The following ZNF397 variants were observed in gnomAD, a reference collection of about 807,000 sequenced individuals.
ZNF397 encodes the protein zinc finger protein 397, also known as zinc finger and SCAN domain-containing protein 15.
ZNF397 carries 38 observed loss-of-function variants against 50.6 expected under a neutral mutation model. That is an observed-to-expected ratio of 0.75 (90% confidence interval 0.58 to 0.98). The LOEUF (loss-of-function observed/expected upper bound fraction) is 0.98, where lower values mean the gene tolerates loss of function less well. Ranked by LOEUF, ZNF397 falls within the 50% of genes least tolerant of loss-of-function variation. The pLI is 0.00. For synonymous variants in ZNF397, 228 were observed against 215.2 expected, an observed-to-expected ratio of 1.06 and a Z score of -0.52; for missense variants, 624 against 624.1, an observed-to-expected ratio of 1.00 and a Z score of 0.00.
intron 5 of ZNF397, among the ~76,000 whole-genome samples, chr18:35,256,622 A>T (rs903005576): frequency 3.3e-5 from 5 of 152,300 alleles, no homozygotes; most frequent in African/African-American, 1.2e-4. Flanking sequence ...AGAGAACCCA[A>T]TTACTATCTC....
In ZNF397 at chr18:35,242,780, G is replaced by C; in HGVS notation, c.310G>C (p.Glu104Gln). 1 of 1,614,180 alleles carries C rather than the reference G, an allele frequency of 6.2e-7. No individual in the cohort carries two copies. Among genetic ancestry groups the C allele is most frequent in the African/African-American group, 1.3e-5 (1 of 75,060 alleles). The change falls in exon 2 of 4, where the codon GAG becomes CAG. Residue 104 changes from glutamate to glutamine, a missense_variant. Physicochemically the swap from Glu to Gln is conservative, Grantham distance 29 (BLOSUM62 2). Coordinates refer to ENST00000330501, the MANE Select transcript of ZNF397 (RefSeq NM_001135178.3). ...VLEQFLSILP[E>Q]ELQIWVQQHN... ...GGAGCAGTTCCTGAGCATTCTGCCTGAGGAGCTGCAGATCTGGGTTCAGCA... is the reference window on the plus strand; with the variant it reads ...GGAGCAGTTCCTGAGCATTCTGCCTCAGGAGCTGCAGATCTGGGTTCAGCA...
chr18:35,242,703 G>A lies in ZNF397; in HGVS notation c.233G>A (p.Trp78Ter). 6.2e-7 allele frequency: 1 copy of A among 1,614,222 alleles called. No individual in the cohort carries two copies. Among genetic ancestry groups the A allele is most frequent in the Non-Finnish European group, 8.5e-7 (1 of 1,180,040 alleles). Residue 78 changes from tryptophan to a stop codon, truncating the protein, a stop_gained, in exon 2 of 4, where the codon TGG becomes TAG. Coordinates refer to ENST00000330501, the MANE Select transcript of ZNF397 (RefSeq NM_001135178.3). LOFTEE classifies it high-confidence loss of function. ...LSRLQELCYQ[W>*]LMPELHTKEQ... is the part of the protein sequence containing the mutation. ...CGACTCCAGGAACTTTGCTATCAGT[G>A]GCTAATGCCAGAGTTGCACACAAAG...
downstream of ZNF397, chr18:35,252,659 C>T (rs929770170): frequency 6.6e-6 from 1 of 152,130 alleles, no homozygotes; most frequent in Non-Finnish European, 1.5e-5. Flanking sequence ...TTTAGTGACT[C>T]ATAGACCAGA....
At chr18:35,258,550 A>G (rs1366669158), downstream of ZNF397, 1 of 153,542 alleles carries the variant, frequency 6.5e-6, no homozygotes, top group South Asian at 2.0e-4. Context: ...CACAGATGGG[A>G]TCAGAGGGAG....
At chr18:35,252,619 T>C (rs4799791), downstream of ZNF397, 124,523 of 152,130 alleles carry the variant, frequency 0.82, 51,907 homozygotes, top group Non-Finnish European at 0.9. Context: ...CCCACCTTTA[T>C]GTCTGAGATA....
chr18:35,245,837 TTCAG>T lies in ZNF397; in HGVS notation c.1136_1139del (p.Ser379LysfsTer61), dbSNP rs1258873594. The T allele has an allele frequency of 7.1e-6, 11 of 1,552,564 alleles. No homozygotes were observed. The highest frequency in any genetic ancestry group is 2.4e-5 in the East Asian group (1 of 40,924). On this transcript the variant is annotated frameshift_variant, in exon 4 of 4. Transcript: ENST00000330501. LOFTEE classifies it high-confidence loss of function. Reference sequence around the variant, plus strand: ...TAAATGTAATGAGTGTGGCAAAGCATTCAGTCAAAGTTCATATCTCATTATACAT... The same window carrying T: ...TAAATGTAATGAGTGTGGCAAAGCATTCAAAGTTCATATCTCATTATACAT...
Position 35,246,109 on chromosome 18 carries a change from T to G in ZNF397, c.1404T>G (p.Leu468=), listed in dbSNP as rs1181128180. 1.9e-6 allele frequency: 3 copies of G among 1,552,928 alleles called. No individual in the cohort carries two copies. Among genetic ancestry groups the G allele is most frequent in the Non-Finnish European group, 2.6e-6 (3 of 1,147,758 alleles). The change falls in exon 4 of 4, where the codon CTT becomes CTG. Residue 468 remains leucine, a synonymous_variant. Transcript: ENST00000330501. ...CGKAFSLSSN[L]IRHQRIHSGE... Reference sequence around the variant, plus strand: ...AAGCTTTCAGTTTGAGCTCAAACCTTATCAGACATCAGAGAATTCATAGTG... The same window carrying G: ...AAGCTTTCAGTTTGAGCTCAAACCTGATCAGACATCAGAGAATTCATAGTG...
downstream of ZNF397, chr18:35,253,650 T>A (rs1311971726): frequency 1.2e-6 from 2 of 1,614,056 alleles, no homozygotes; most frequent in African/African-American, 2.7e-5. Flanking sequence ...TGATGTTCAA[T>A]AAGGATAGAA....
In ZNF397 at chr18:35,245,487, A is replaced by C; in HGVS notation, c.782A>C (p.Glu261Ala). 6 of 1,552,604 alleles carry C rather than the reference A, an allele frequency of 3.9e-6. No homozygotes were observed. The highest frequency in any genetic ancestry group is 5.2e-6 in the Non-Finnish European group (6 of 1,147,284). The change falls in exon 4 of 4, where the codon GAG becomes GCG. Residue 261 changes from glutamate (E) to alanine (A), a missense_variant. Physicochemically the swap from Glu to Ala is moderately radical, Grantham distance 107. Transcript: ENST00000330501. The part of the protein sequence containing the change: ...KSLGKRDLYD[E>A]AERCLILTTD... ...CTAGGAAAGAGAGACCTTTATGATG[A>C]GGCTGAAAGATGCTTGATTCTAACT...
In ZNF397 at chr18:35,242,841, T is replaced by G; in HGVS notation, c.371T>G (p.Leu124Arg). ...NPESGEEAVTLLEDLEREFDD... is the reference protein window; with the variant it reads ...NPESGEEAVTRLEDLEREFDD... Reference sequence around the variant, plus strand: ...GAAAGCGGCGAGGAAGCTGTGACCCTGTTGGAGGATTTAGAGAGGGAGTTT... The same window carrying G: ...GAAAGCGGCGAGGAAGCTGTGACCCGGTTGGAGGATTTAGAGAGGGAGTTT... The change falls in exon 2 of 4, where the codon CTG becomes CGG. Residue 124 changes from leucine to arginine, a missense_variant. Leu to Arg is a moderately radical substitution (Grantham distance 102). Transcript: ENST00000330501. The G allele has an allele frequency of 6.2e-7, 1 of 1,613,588 alleles. No individual in the cohort carries two copies. Among genetic ancestry groups the G allele is most frequent in the Non-Finnish European group, 8.5e-7 (1 of 1,179,696 alleles).
At chr18:35,244,854 A>G (rs1569043412) in intron 3 of ZNF397, among the ~76,000 whole-genome samples, 2 of 152,224 alleles carry the variant, frequency 1.3e-5, no homozygotes, top group African/African-American at 2.4e-5. Flanking sequence ...AACTCTTTCA[A>G]GAAATCACTA....
downstream of ZNF397, chr18:35,253,660 ACTC>A (rs778191047): frequency 6.2e-7 from 1 of 1,613,544 alleles, no homozygotes; most frequent in African/African-American, 1.3e-5. Context: ...TAAGGATAGA[ACTC>A]CTACCAAAAG....
At chr18:35,244,490 C>T (rs1912775792) in intron 3 of ZNF397, among the ~76,000 whole-genome samples, 1 of 151,904 alleles carries the variant, frequency 6.6e-6, no homozygotes, top group South Asian at 2.1e-4. Flanking sequence ...GTAATGGAAG[C>T]CAAGGGTAGA....
At position 35,256,970 on chromosome 18, in the gene ZNF397, C is replaced by G. The variant is rs1329840276; in HGVS notation, c.818-958C>G. 1.0e-4 allele frequency: 16 copies of G among 153,840 alleles called. No individual in the cohort carries two copies. In the Admixed American group the frequency reaches 1.0e-3, roughly 10 times the overall value. 9.5% of individuals were successfully genotyped at this position (153,840 alleles called of 1,614,324 possible). A position where few individuals can be genotyped will look rare whatever the true frequency, so the allele number is the denominator to read the frequency against. ...AAAATTTTTTTTGTAGACACGGGGT[C>G]TTGCCATGTTGCCCAGACTGGTCTT... is the stretch of plus-strand genomic sequence containing the variant. On this transcript the variant is annotated intron_variant, in intron 5 of 5. Coordinates refer to the ZNF397 transcript ENST00000261333.
chr18:35,253,203 C>G (rs899488569), downstream of ZNF397: 3 of 361,926 alleles, frequency 8.3e-6, no homozygotes, highest in Non-Finnish European at 1.5e-5. Context: ...GAGTCTCATC[C>G]AGAAATGGGT....
chr18:35,254,218 C>T, downstream of ZNF397: 3 of 1,614,156 alleles, frequency 1.9e-6, no homozygotes, highest in Non-Finnish European at 2.5e-6. Flanking sequence ...CAGCATTTCC[C>T]TTTTGCTTCT....
At chr18:35,253,369 G>C (rs2043663026), downstream of ZNF397, 6 of 1,241,616 alleles carry the variant, frequency 4.8e-6, no homozygotes, top group African/African-American at 1.5e-5. Flanking sequence ...TCTGCTCTCA[G>C]GAAACTTTTC....
chr18:35,255,544 T>G (rs1443412946), intron 5 of ZNF397, among the ~76,000 whole-genome samples: 2 of 152,112 alleles, frequency 1.3e-5, no homozygotes, highest in African/African-American at 4.8e-5. Flanking sequence ...CCTTCCATAT[T>G]GGAAGGATGC....
intron 3 of ZNF397, 76 bp from the exon 4 acceptor site, chr18:35,245,186 G>A (rs1166959837): frequency 8.9e-6 from 13 of 1,458,584 alleles, no homozygotes; most frequent in Non-Finnish European, 1.1e-5. Context: ...AGAAGCTTCT[G>A]TTTTCTCTCA....
Sources: gnomAD v4.1 joint callset for allele counts (sites outside exome capture counted in the v4.1 genomes callset) on GRCh38, gnomAD v4.1.1 for gene constraint, MANE v1.5 for transcripts, NCBI Gene and HGNC (gene_info 2026-07-23, HGNC 2026-07-21) for gene names.